UBE2W: variants seen among roughly 807,000 people sequenced by gnomAD.
UBE2W encodes the protein ubiquitin conjugating enzyme E2 W.
In UBE2W, 18 loss-of-function variants were observed where a neutral mutation model predicts 27.2. The ratio of observed to expected loss-of-function variants is 0.66; its 90% CI spans 0.46 to 0.98. The LOEUF (loss-of-function observed/expected upper bound fraction) is 0.98. Ranked by LOEUF, UBE2W falls within the 50% of genes least tolerant of loss-of-function variation. The pLI is 0.00. For missense variants in UBE2W, 90 were observed against 180.2 expected (o/e 0.50, Z 2.87); for synonymous variants, 53 against 57.2 (o/e 0.93, Z 0.33).
intron 1 of UBE2W, among the ~76,000 whole-genome samples, chr8:73,870,531 G>C (rs938812101): frequency 1.3e-5 from 2 of 152,032 alleles, no homozygotes; most frequent in Admixed American, 6.6e-5. Context: ...TTTGGAGGTG[G>C]GAGGTTACAC....
chr8:73,788,705 C>A lies in UBE2W; in HGVS notation c.*5397G>T. 1 of 985,352 alleles carries A rather than the reference C, an allele frequency of 1.0e-6. No homozygotes were observed. The highest frequency in any genetic ancestry group is 1.7e-5 in the African/African-American group (1 of 57,344). The allele number at this position is 985,352 out of a possible 1,614,324, so 61.0% of individuals were successfully genotyped here. A position where few individuals can be genotyped will look rare whatever the true frequency, so the allele number is the denominator to read the frequency against. On this transcript the variant is annotated 3_prime_UTR_variant, in exon 6 of 6. Coordinates refer to ENST00000602593, the MANE Select transcript of UBE2W (RefSeq NM_018299.6). ...ATGTCATTTTGAAATCATGCTTTTG[C>A]CTTTGAGAAAACAACTTAGAATTGT... is the stretch of plus-strand genomic sequence containing the variant.
At chr8:73,817,974 C>A (rs1809462281) in intron 3 of UBE2W, among the ~76,000 whole-genome samples, 1 of 152,216 alleles carries the variant, frequency 6.6e-6, no homozygotes, top group African/African-American at 2.4e-5. Flanking sequence ...CATAAAACTA[C>A]AAGAGCCCAT....
At chr8:73,780,386 C>T in exon 5 of UBE2W, 2 of 414,632 alleles carry the variant, frequency 4.8e-6, no homozygotes, top group South Asian at 3.5e-5. Flanking sequence ...CTCACCTCAA[C>T]TAATGACATC....
At chr8:73,829,901 C>T (rs892088635) in intron 2 of UBE2W, among the ~76,000 whole-genome samples, 5 of 152,038 alleles carry the variant, frequency 3.3e-5, no homozygotes, top group Non-Finnish European at 5.9e-5. Flanking sequence ...AGAACATTTA[C>T]CACTGTCTAA....
Position 73,792,342 on chromosome 8 carries a change from G to A in UBE2W, c.*1760C>T, listed in dbSNP as rs970572048. ...TGTCCACAATTTGGTGGCTGGCCAC[G>A]GTTTTAATTTTTTTTTTCAAGTTAT... On this transcript the variant is annotated 3_prime_UTR_variant, in exon 6 of 6. Transcript: ENST00000602593. The A allele has an allele frequency of 8.1e-6, 8 of 985,132 alleles. No individual in the cohort carries two copies. The highest frequency in any genetic ancestry group is 1.8e-5 in the African/African-American group (1 of 57,104). The allele number at this position is 985,132 out of a possible 1,614,324, so 61.0% of individuals were successfully genotyped here.
intron 1 of UBE2W, among the ~76,000 whole-genome samples, chr8:73,852,514 CAGTA>C (rs72001225): frequency 0.031 from 4,740 of 152,216 alleles, 225 homozygotes; most frequent in African/African-American, 0.1. Flanking sequence ...AGATGAAAAG[CAGTA>C]ATTAGCACTA....
chr8:73,848,957 T>C (rs1252409178), intron 1 of UBE2W, among the ~76,000 whole-genome samples: 1 of 152,156 alleles, frequency 6.6e-6, no homozygotes, highest in Non-Finnish European at 1.5e-5. Flanking sequence ...TCCACGAATA[T>C]ATTAAAAGTC....
At chr8:73,812,727 T>C (rs1408108625) in intron 3 of UBE2W, among the ~76,000 whole-genome samples, 1 of 151,992 alleles carries the variant, frequency 6.6e-6, no homozygotes, top group Non-Finnish European at 1.5e-5. Flanking sequence ...AAGATATTTT[T>C]CGGTGTGGCT....
Position 73,836,434 on chromosome 8 carries a change from G to T in UBE2W, c.16-5962C>A, listed in dbSNP as rs115522843. Among the ~76,000 whole-genome samples the T allele has an allele frequency of 7.5e-3, 1,135 of 152,294 alleles. 16 individuals are homozygous for T. Among genetic ancestry groups the T allele is most frequent in the African/African-American group, 0.026 (1,073 of 41,566 alleles). The stretch of plus-strand genomic sequence containing the variant: ...AAAGGTCAAGCAATGTGTAGTATCT[G>T]TTCTGCAGATTCACAAAAACAGAAT... On this transcript the variant is annotated intron_variant, in intron 1 of 5. Coordinates refer to ENST00000602593, the MANE Select transcript of UBE2W (RefSeq NM_018299.6).
intron 1 of UBE2W, among the ~76,000 whole-genome samples, chr8:73,840,299 G>A (rs534232274): frequency 4.0e-5 from 6 of 151,110 alleles, no homozygotes; most frequent in Non-Finnish European, 7.4e-5. Context: ...CTCGTGATCC[G>A]CCTGCCTTGG....
Position 73,793,669 on chromosome 8 carries a change from T to A in UBE2W, c.*433A>T. ...TATATTCCCACTATAACCAGTAAGT[T>A]CATTTCATAGGCCCTATCATGCATT... On this transcript the variant is annotated 3_prime_UTR_variant, in exon 6 of 6. Coordinates refer to ENST00000602593, the MANE Select transcript of UBE2W (RefSeq NM_018299.6). 1 of 988,534 alleles carries A rather than the reference T, an allele frequency of 1.0e-6. No individual in the cohort carries two copies. The highest frequency in any genetic ancestry group is 1.2e-6 in the Non-Finnish European group (1 of 831,898). 61.2% of individuals were successfully genotyped at this position (988,534 alleles called of 1,614,324 possible).
chr8:73,864,509 T>C (rs1035763576), intron 1 of UBE2W, among the ~76,000 whole-genome samples: 1 of 152,148 alleles, frequency 6.6e-6, no homozygotes, highest in African/African-American at 2.4e-5. Flanking sequence ...CAGGGTTAGA[T>C]TCCTGCCAGC....
At position 73,792,619 on chromosome 8, in the gene UBE2W, G is replaced by A; in HGVS notation, c.*1483C>T. On this transcript the variant is annotated 3_prime_UTR_variant, in exon 6 of 6. Transcript: ENST00000602593. Reference sequence around the variant, plus strand: ...AAATTGATTCATATATTCACTGCAGGATATTTCAAAAAGAGTGCAACAATA... The same window carrying A: ...AAATTGATTCATATATTCACTGCAGAATATTTCAAAAAGAGTGCAACAATA... 2.0e-6 allele frequency: 2 copies of A among 985,514 alleles called. No homozygotes were observed. Among genetic ancestry groups the A allele is most frequent in the Non-Finnish European group, 1.2e-6 (1 of 829,734 alleles). The allele number at this position is 985,514 out of a possible 1,614,324, so 61.0% of individuals were successfully genotyped here. A position where few individuals can be genotyped will look rare whatever the true frequency, so the allele number is the denominator to read the frequency against.
At chr8:73,834,235 CTG>C (rs1468280940) in intron 1 of UBE2W, among the ~76,000 whole-genome samples, 17 of 152,306 alleles carry the variant, frequency 1.1e-4, no homozygotes, top group African/African-American at 3.6e-4. Flanking sequence ...AGATAGAAAA[CTG>C]TGTTGTGAAT....
intron 1 of UBE2W, among the ~76,000 whole-genome samples, chr8:73,868,422 T>C (rs933933388): frequency 6.6e-6 from 1 of 152,238 alleles, no homozygotes; most frequent in Non-Finnish European, 1.5e-5. Context: ...TGTTCAATTG[T>C]ATCCTTTAAA....
rs1316143849 is a variant in UBE2W at position 73,787,388 on chromosome 8, C to G, written c.*6714G>C. On this transcript the variant is annotated 3_prime_UTR_variant, in exon 6 of 6. Coordinates refer to ENST00000602593, the MANE Select transcript of UBE2W (RefSeq NM_018299.6). ...GTAGCTTAAACTAATGGAGAAAAGT[C>G]AAATCCTACTATGGAAAGTAGAAAT... is the stretch of plus-strand genomic sequence containing the variant. The G allele has an allele frequency of 1.0e-6, 1 of 985,188 alleles. No individual in the cohort carries two copies. Among genetic ancestry groups the G allele is most frequent in the Non-Finnish European group, 1.2e-6 (1 of 829,900 alleles). The allele number at this position is 985,188 out of a possible 1,614,324, so 61.0% of individuals were successfully genotyped here. A position where few individuals can be genotyped will look rare whatever the true frequency, so the allele number is the denominator to read the frequency against.
At chr8:73,825,840 C>T (rs1809813623) in intron 2 of UBE2W, among the ~76,000 whole-genome samples, 1 of 152,194 alleles carries the variant, frequency 6.6e-6, no homozygotes, top group African/African-American at 2.4e-5. Context: ...GGTGCACTGA[C>T]ACCAAAGCCT....
intron 5 of UBE2W, among the ~76,000 whole-genome samples, chr8:73,801,552 TCTTAAAAACACTGACA>T (rs1409846155): frequency 2.0e-5 from 3 of 152,198 alleles, no homozygotes; most frequent in Non-Finnish European, 4.4e-5. Context: ...ATTACTAGAG[TCTTAAAAACACTGACA>T]CTTAAAAATA....
At chr8:73,842,454 G>A (rs1005281097) in intron 1 of UBE2W, among the ~76,000 whole-genome samples, 2 of 148,178 alleles carry the variant, frequency 1.3e-5, no homozygotes, top group Admixed American at 1.3e-4. Context: ...GTGTGAACCC[G>A]GGAGGTGGAG....
Sources: allele counts gnomAD v4.1 joint callset (sites outside exome capture counted in the v4.1 genomes callset), GRCh38; gene constraint gnomAD v4.1.1; transcripts MANE v1.5; gene names NCBI Gene and HGNC (gene_info 2026-07-23, HGNC 2026-07-21).